TAOK3: variants seen among roughly 807,000 people sequenced by gnomAD.
TAOK3 encodes the protein serine/threonine-protein kinase TAO3.
Under a neutral mutation model 120.4 loss-of-function variants are expected in TAOK3, and 40 were observed. That is an observed-to-expected ratio of 0.33 (90% CI 0.26 to 0.43). The LOEUF (loss-of-function observed/expected upper bound fraction) is 0.43, where lower values mean the gene tolerates loss of function less well. Among genes scored for constraint, TAOK3 ranks in the 20% least tolerant of loss-of-function variants. The probability of loss-of-function intolerance (pLI) is 1.00; values close to 1 mark genes in which losing one functional copy is unlikely to be tolerated. For missense variants in TAOK3, 821 were observed against 1,112.1 expected, an observed-to-expected ratio of 0.74 and a Z score of 3.72; for synonymous variants, 355 against 387.5, an observed-to-expected ratio of 0.92 and a Z score of 0.99.
intron 14 of TAOK3, among the ~76,000 whole-genome samples, chr12:118,181,895 T>C (rs1229275132): frequency 1.3e-5 from 2 of 152,196 alleles, no homozygotes; most frequent in African/African-American, 4.8e-5. Flanking sequence ...AAAGAAACTC[T>C]TTATTCAGGC....
At chr12:118,176,324 A>G (rs1339734826) in intron 16 of TAOK3, among the ~76,000 whole-genome samples, 4 of 152,166 alleles carry the variant, frequency 2.6e-5, no homozygotes, top group Non-Finnish European at 4.4e-5. Flanking sequence ...TGGCTGGTGC[A>G]GCGAAGAGTG....
chr12:118,191,663 C>T (rs2037438230), intron 13 of TAOK3, among the ~76,000 whole-genome samples: 1 of 152,112 alleles, frequency 6.6e-6, no homozygotes, highest in African/African-American at 2.4e-5. Flanking sequence ...ATTTGAACTC[C>T]TGTTTTACAG....
At position 118,161,670 on chromosome 12, in the gene TAOK3, T is replaced by C. The variant is rs74433014; in HGVS notation, c.2139+118A>G. ...TGTGCTTTGCAACTGGAGATTCTGA[T>C]ACAATAGGTGTGGGGTGCAGAAATT... On this transcript the variant is annotated intron_variant, in intron 18 of 20. Coordinates refer to ENST00000392533, the MANE Select transcript of TAOK3 (RefSeq NM_016281.4). The surrounding 1 kb of genome is among the most constrained non-coding windows in gnomAD (Gnocchi z 4.5). 2.3e-5 allele frequency: 30 copies of C among 1,323,250 alleles called. No individual in the cohort carries two copies. In the East Asian group the frequency reaches 6.3e-4, roughly 28 times the overall value. 82.0% of individuals were successfully genotyped at this position (1,323,250 alleles called of 1,614,324 possible).
intron 2 of TAOK3, among the ~76,000 whole-genome samples, chr12:118,265,987 C>T (rs186815311): frequency 1.8e-4 from 27 of 152,010 alleles, no homozygotes; most frequent in African/African-American, 6.0e-4. Context: ...AAAAGTGATA[C>T]GAAACCTTTT....
intron 1 of TAOK3, among the ~76,000 whole-genome samples, chr12:118,367,784 G>C (rs1431223965): frequency 6.6e-6 from 1 of 150,892 alleles, no homozygotes; most frequent in Non-Finnish European, 1.5e-5. Flanking sequence ...TTTTTGGCGG[G>C]GGGTGGGGAG....
At chr12:118,290,023 T>G (rs1336674321) in intron 1 of TAOK3, among the ~76,000 whole-genome samples, 1 of 151,244 alleles carries the variant, frequency 6.6e-6, no homozygotes, top group Non-Finnish European at 1.5e-5. Context: ...AGAAATAGAA[T>G]GAATCCTATC....
chr12:118,211,613 C>T (rs2038636871), intron 11 of TAOK3, among the ~76,000 whole-genome samples: 1 of 137,326 alleles, frequency 7.3e-6, no homozygotes. Context: ...TCATATTTTC[C>T]TTTTTTTTTT....
At chr12:118,223,964 T>C (rs530093577) in intron 9 of TAOK3, among the ~76,000 whole-genome samples, 241 of 152,340 alleles carry the variant, frequency 1.6e-3, no homozygotes, top group Non-Finnish European at 3.0e-3. Flanking sequence ...TGAACAAATA[T>C]GGTTGAAAAC....
chr12:118,353,736 T>G (rs897699495), intron 1 of TAOK3, among the ~76,000 whole-genome samples: 1 of 152,162 alleles, frequency 6.6e-6, no homozygotes, highest in Non-Finnish European at 1.5e-5. Context: ...GAGACTATTA[T>G]GTTAGGAATT....
At position 118,193,049 on chromosome 12, in the gene TAOK3, GTTTT is replaced by G. The variant is rs11380296; in HGVS notation, c.1195-3112_1195-3109del. The stretch of plus-strand genomic sequence containing the variant: ...AACCTGGTAAACTTACCACGTTGTT[GTTTT>G]TTTTTTTTTTTTTTTTTGAGACAGT... On this transcript the variant is annotated intron_variant, in intron 13 of 20. Coordinates refer to ENST00000392533, the MANE Select transcript of TAOK3 (RefSeq NM_016281.4). Among the ~76,000 whole-genome samples the G allele has an allele frequency of 4.7e-5, 5 of 107,388 alleles. No individual in the cohort carries two copies. In the East Asian group the frequency reaches 1.4e-3, roughly 31 times the overall value. The allele number at this position is 107,388 out of a possible 152,430, so 70.5% of individuals were successfully genotyped here.
intron 13 of TAOK3, among the ~76,000 whole-genome samples, chr12:118,193,209 G>A (rs1442963963): frequency 1.3e-5 from 2 of 151,710 alleles, no homozygotes; most frequent in Non-Finnish European, 2.9e-5. Flanking sequence ...CACCATACCT[G>A]GCTAATTTTT....
chr12:118,179,433 G>A (rs2036554079), intron 15 of TAOK3, among the ~76,000 whole-genome samples: 1 of 152,124 alleles, frequency 6.6e-6, no homozygotes, highest in Admixed American at 6.6e-5. Context: ...TACCTAACAT[G>A]TATCAGTAAT....
At chr12:118,268,738 G>A (rs537923259) in intron 1 of TAOK3, among the ~76,000 whole-genome samples, 14 of 152,332 alleles carry the variant, frequency 9.2e-5, no homozygotes, top group Admixed American at 2.0e-4. Context: ...GCTAGGCACA[G>A]TGGCTCACAC....
chr12:118,263,935 G>T (rs2041336444), intron 2 of TAOK3, among the ~76,000 whole-genome samples: 1 of 152,156 alleles, frequency 6.6e-6, no homozygotes, highest in South Asian at 2.1e-4. Flanking sequence ...GTGTTGTGGT[G>T]AGCGCCTGTA....
At chr12:118,339,455 T>C (rs1315950418) in intron 1 of TAOK3, among the ~76,000 whole-genome samples, 3 of 152,108 alleles carry the variant, frequency 2.0e-5, no homozygotes, top group Non-Finnish European at 2.9e-5. Context: ...TAATGGAAGT[T>C]AAGTCTTCAA....
At chr12:118,368,965 C>A (rs186374095) in intron 1 of TAOK3, among the ~76,000 whole-genome samples, 1 of 147,524 alleles carries the variant, frequency 6.8e-6, no homozygotes, top group Admixed American at 6.8e-5. Context: ...TTGAGACCAG[C>A]CTGGGCAATG....
At chr12:118,165,726 G>A (rs1214094981) in intron 17 of TAOK3, among the ~76,000 whole-genome samples, 1 of 152,186 alleles carries the variant, frequency 6.6e-6, no homozygotes, top group Non-Finnish European at 1.5e-5. Flanking sequence ...TATCGTAGTT[G>A]TAAAGATAAA....
intron 19 of TAOK3, among the ~76,000 whole-genome samples, chr12:118,159,065 C>T (rs1592972547): frequency 1.3e-5 from 2 of 152,182 alleles, no homozygotes; most frequent in African/African-American, 4.8e-5. Flanking sequence ...CCTTTATGAC[C>T]TCTCCATTCT....
In TAOK3 at chr12:118,195,746, T is replaced by G. The variant is rs147499035; in HGVS notation, c.1194+3305A>C. Among the ~76,000 whole-genome samples, 1,086 of 152,270 alleles carry G rather than the reference T, an allele frequency of 7.1e-3. 13 individuals carry two copies. The highest frequency in any genetic ancestry group is 0.012 in the Non-Finnish European group (794 of 68,006). ...GCCTTTAGCCTTATCAAATCATTCT[T>G]GCTCAAAAAGAAGACTGGATTGGGC... On this transcript the variant is annotated intron_variant, in intron 13 of 20. Coordinates refer to ENST00000392533, the MANE Select transcript of TAOK3 (RefSeq NM_016281.4).
Sources: allele counts gnomAD v4.1 joint callset (sites outside exome capture counted in the v4.1 genomes callset), GRCh38; gene constraint gnomAD v4.1.1; non-coding constraint Gnocchi (gnomAD v3.1); transcripts MANE v1.5; gene names NCBI Gene and HGNC (gene_info 2026-07-23, HGNC 2026-07-21).